Variants in DOCK9 observed in about 807,000 individuals in gnomAD.
DOCK9 encodes dedicator of cytokinesis 9.
In DOCK9, 89 loss-of-function variants were observed where a neutral mutation model predicts 263.3. The ratio of observed to expected loss-of-function variants is 0.34; its 90% CI spans 0.28 to 0.40. The LOEUF (loss-of-function observed/expected upper bound fraction) is 0.40, where lower values mean the gene tolerates loss of function less well. Among genes scored for constraint, DOCK9 ranks in the 10% least tolerant of loss-of-function variants. The probability of loss-of-function intolerance (pLI) is 1.00; values close to 1 mark genes in which losing one functional copy is unlikely to be tolerated. For synonymous variants in DOCK9, 976 were observed against 973.1 expected, an observed-to-expected ratio of 1.00 and a Z score of -0.06; for missense variants, 2,140 against 2,603.4, an observed-to-expected ratio of 0.82 and a Z score of 3.87.
Position 98,924,485 on chromosome 13 carries a change from T to A in DOCK9, c.417-1114A>T, listed in dbSNP as rs566600226. ...CAATTTTCCCAAAATCAAGTATAAT[T>A]CAATTTGCCAACTGCTATGGTTTGG... is the stretch of plus-strand genomic sequence containing the variant. On this transcript the variant is annotated intron_variant, in intron 4 of 52. Transcript: ENST00000682017. Among the ~76,000 whole-genome samples the A allele has an allele frequency of 2.8e-4, 43 of 152,376 alleles. 1 individual carries two copies. Among genetic ancestry groups the A allele is most frequent in the African/African-American group, 9.9e-4 (41 of 41,596 alleles).
intron 34 of DOCK9, 79 bp from the exon 35 acceptor site, chr13:98,853,601 A>G (rs537801250): frequency 9.6e-7 from 1 of 1,036,778 alleles, no homozygotes; most frequent in Non-Finnish European, 1.5e-6. Flanking sequence ...TGGAAGAGAA[A>G]GACTCTTAGA....
rs1262548687 is a variant in DOCK9 at position 98,918,059 on chromosome 13, G to A, written c.718-2556C>T. On this transcript the variant is annotated intron_variant, in intron 7 of 52. Coordinates refer to ENST00000682017, the MANE Select transcript of DOCK9 (RefSeq NM_001366683.2). ...TGACCATAAGGAAGAAACAGGATCT[G>A]GACTTAGCCTCCCACCATCATTGCT... 3.3e-5 allele frequency among the ~76,000 whole-genome samples: 5 copies of A among 152,190 alleles called. No individual in the cohort carries two copies. The East Asian group carries it at 7.7e-4, about 23-fold the overall frequency.
chr13:99,068,712 T>A (rs2041539772), intron 1 of DOCK9, among the ~76,000 whole-genome samples: 1 of 149,506 alleles, frequency 6.7e-6, no homozygotes, highest in South Asian at 2.2e-4. Flanking sequence ...TTTCGATCTT[T>A]TAGGAAAAAA....
intron 1 of DOCK9, among the ~76,000 whole-genome samples, chr13:99,076,922 T>C (rs1241715731): frequency 6.6e-6 from 1 of 152,084 alleles, no homozygotes; most frequent in African/African-American, 2.4e-5. Flanking sequence ...ATGCTTTAGT[T>C]TGGGTGGATA....
At position 98,883,888 on chromosome 13, in the gene DOCK9, C is replaced by T. The variant is rs372282100; in HGVS notation, c.2394G>A (p.Pro798=). ...TGCCTCCATCTACCCATTTAATTTCCGGACCATAATGCTAAAAAAAATATG... is the reference window on the plus strand; with the variant it reads ...TGCCTCCATCTACCCATTTAATTTCTGGACCATAATGCTAAAAAAAATATG... The part of the protein sequence containing the change: ...QELGMGRHYG[P]EIKWVDGGKP... The change falls in exon 22 of 53, where the codon CCG becomes CCA. Residue 798 remains proline, a synonymous_variant. Coordinates refer to ENST00000682017, the MANE Select transcript of DOCK9 (RefSeq NM_001366683.2). 15 of 1,609,610 alleles carry T rather than the reference C, an allele frequency of 9.3e-6. No homozygotes were observed. The highest frequency in any genetic ancestry group is 6.7e-5 in the East Asian group (3 of 44,822).
rs762924735 is a variant in DOCK9 at position 98,863,426 on chromosome 13, T to C, written c.3409A>G (p.Ser1137Gly). ...EFREVRLIAISVLKNLLIKHS... is the reference protein window; with the variant it reads ...EFREVRLIAIGVLKNLLIKHS... The stretch of plus-strand genomic sequence containing the variant: ...TTTATCAGCAGGTTCTTGAGCACAC[T>C]GATGGCGATCAGACGGACCTCCCGG... The change falls in exon 31 of 53, where the codon AGT becomes GGT. Residue 1137 changes from serine to glycine, a missense_variant. Around this residue, in one of 2 missense-constraint regions of DOCK9, gnomAD observed 1,521 missense variants for 1,741.7 expected, o/e 0.87. Coordinates refer to ENST00000682017, the MANE Select transcript of DOCK9 (RefSeq NM_001366683.2). 1.2e-5 allele frequency: 19 copies of C among 1,613,894 alleles called. No homozygotes were observed. The highest frequency in any genetic ancestry group is 1.5e-5 in the Non-Finnish European group (18 of 1,179,914).
chr13:99,073,328 CTCTCTTCTT>C (rs1231567979), intron 1 of DOCK9, among the ~76,000 whole-genome samples: 4 of 151,764 alleles, frequency 2.6e-5, no homozygotes, highest in Non-Finnish European at 4.4e-5. Flanking sequence ...TCTCTCTTCT[CTCTCTTCTT>C]TCTCTCCTCT....
intron 1 of DOCK9, among the ~76,000 whole-genome samples, chr13:99,025,825 A>G (rs890287211): frequency 6.6e-6 from 1 of 152,266 alleles, no homozygotes; most frequent in Admixed American, 6.5e-5. Context: ...TGGATAAACA[A>G]CTACAGAATA....
At chr13:98,898,725 A>G (rs1406517829) in intron 13 of DOCK9, among the ~76,000 whole-genome samples, 1 of 152,192 alleles carries the variant, frequency 6.6e-6, no homozygotes, top group Admixed American at 6.5e-5. Context: ...TTCCCACAAT[A>G]TAAGGGATAA....
At chr13:99,044,113 A>G (rs1888734500) in intron 1 of DOCK9, among the ~76,000 whole-genome samples, 1 of 152,230 alleles carries the variant, frequency 6.6e-6, no homozygotes, top group African/African-American at 2.4e-5. Context: ...AGACTCAACC[A>G]TGGTTTACAA....
intron 1 of DOCK9, among the ~76,000 whole-genome samples, chr13:99,002,559 C>A (rs903161669): frequency 6.6e-6 from 1 of 152,232 alleles, no homozygotes; most frequent in East Asian, 1.9e-4. Context: ...AGTGGGTTCA[C>A]ACAGCCTTTG....
Position 98,851,292 on chromosome 13 carries a change from C to A in DOCK9, c.3947-1179G>T, listed in dbSNP as rs148769932. Reference sequence around the variant, plus strand: ...ATCGCGTGCATCTGATTCTAAAGGCCGCTTGGCCTATTAGACCAGTAATAA... The same window carrying A: ...ATCGCGTGCATCTGATTCTAAAGGCAGCTTGGCCTATTAGACCAGTAATAA... On this transcript the variant is annotated intron_variant, in intron 35 of 52. Coordinates refer to ENST00000682017, the MANE Select transcript of DOCK9 (RefSeq NM_001366683.2). 2.6e-5 allele frequency among the ~76,000 whole-genome samples: 4 copies of A among 152,186 alleles called. No homozygotes were observed. The South Asian group carries it at 8.3e-4, about 32-fold the overall frequency.
At chr13:98,919,400 C>T (rs1245038930) in intron 7 of DOCK9, among the ~76,000 whole-genome samples, 1 of 152,200 alleles carries the variant, frequency 6.6e-6, no homozygotes, top group African/African-American at 2.4e-5. Context: ...CAGGGCTGGG[C>T]TGTTTCAATC....
chr13:98,818,734 A>C (rs909504464), intron 45 of DOCK9, among the ~76,000 whole-genome samples: 1 of 152,086 alleles, frequency 6.6e-6, no homozygotes, highest in Non-Finnish European at 1.5e-5. Context: ...CCATCAAGGA[A>C]GCTTTTAAAA....
intron 49 of DOCK9, among the ~76,000 whole-genome samples, chr13:98,803,951 T>C (rs2090404189): frequency 6.6e-6 from 1 of 152,068 alleles, no homozygotes; most frequent in African/African-American, 2.4e-5. Context: ...TTTTTTTTTT[T>C]TTTTGTAACA....
intron 1 of DOCK9, among the ~76,000 whole-genome samples, chr13:99,054,050 T>C (rs979588517): frequency 2.6e-5 from 4 of 152,208 alleles, no homozygotes; most frequent in East Asian, 3.8e-4. Context: ...AATTTCTGCA[T>C]AGATCATTTT....
In DOCK9 at chr13:98,901,642, A is replaced by C. The variant is rs2048292811; in HGVS notation, c.1503+136T>G. On this transcript the variant is annotated intron_variant, in intron 13 of 52. Coordinates refer to ENST00000682017, the MANE Select transcript of DOCK9 (RefSeq NM_001366683.2). ...AATCAAGACATAAAGTTCAGAGTAAATACAGGTAGCATATTCTACATCTTT... is the reference window on the plus strand; with the variant it reads ...AATCAAGACATAAAGTTCAGAGTAACTACAGGTAGCATATTCTACATCTTT... The C allele has an allele frequency of 3.9e-6, 4 of 1,026,864 alleles. No homozygotes were observed. The East Asian group carries it at 1.1e-4, about 27-fold the overall frequency. The allele number at this position is 1,026,864 out of a possible 1,614,324, so 63.6% of individuals were successfully genotyped here. A position where few individuals can be genotyped will look rare whatever the true frequency, so the allele number is the denominator to read the frequency against.
upstream of DOCK9, among the ~76,000 whole-genome samples, chr13:98,980,067 C>A (rs1023749388): frequency 6.6e-6 from 1 of 152,204 alleles, no homozygotes; most frequent in African/African-American, 2.4e-5. Flanking sequence ...GCTCTGTAGT[C>A]CAGGCTGAGT....
Position 98,800,321 on chromosome 13 carries a change from C to A in DOCK9, c.5883G>T (p.Leu1961=), listed in dbSNP as rs1289314791. ...CSSAEVDMIK[L]QLKLQGSVSV... is the part of the protein sequence containing the mutation. The stretch of plus-strand genomic sequence containing the variant: ...TCACGCTGCCCTGGAGTTTGAGCTG[C>A]AGTTTGATCATGTCCACCTCGGCCG... The change falls in exon 50 of 53, where the codon CTG becomes CTT. Residue 1961 remains leucine, a synonymous_variant. Transcript: ENST00000682017. The A allele has an allele frequency of 1.2e-6, 2 of 1,609,858 alleles. No homozygotes were observed. The highest frequency in any genetic ancestry group is 1.7e-6 in the Non-Finnish European group (2 of 1,178,072).
Sources: gnomAD v4.1 joint callset for allele counts (sites outside exome capture counted in the v4.1 genomes callset) on GRCh38, gnomAD v4.1.1 for gene constraint, gnomAD v4.1.1 regional missense constraint, MANE v1.5 for transcripts, NCBI Gene and HGNC (gene_info 2026-07-23, HGNC 2026-07-21) for gene names.